Variants in MYH13 observed in about 807,000 individuals in gnomAD.
The protein encoded by MYH13 is myosin-13.
A neutral mutation model predicts 232.1 loss-of-function variants in MYH13; 177 were observed. The observed-to-expected ratio is 0.76, with a 90% confidence interval of 0.67 to 0.86. The LOEUF (loss-of-function observed/expected upper bound fraction) is 0.86, where lower values mean the gene tolerates loss of function less well. MYH13 is among the 40% of genes least tolerant of loss of function. The pLI is 0.00. For missense variants in MYH13, 2,246 were observed against 2,405.9 expected (o/e 0.93, Z 1.39); for synonymous variants, 884 against 923.5 (o/e 0.96, Z 0.78).
At chr17:10,351,850 G>A (rs2071713032) in intron 11 of MYH13, among the ~76,000 whole-genome samples, 2 of 152,158 alleles carry the variant, frequency 1.3e-5, no homozygotes, top group Admixed American at 1.3e-4. Context: ...AGTGTCCATT[G>A]GTAGGATTGA....
In MYH13 at chr17:10,355,438, T is replaced by A. The variant is rs1370938773; in HGVS notation, c.739-291A>T. Among the ~76,000 whole-genome samples, 8 of 152,134 alleles carry A rather than the reference T, an allele frequency of 5.3e-5. No individual in the cohort carries two copies. The East Asian group carries it at 1.5e-3, about 29-fold the overall frequency. ...GTTTTCCCATTAGCTCACTAACATG[T>A]CTCTCAGTTCATAAACTCAATAATT... is the stretch of plus-strand genomic sequence containing the variant. On this transcript the variant is annotated intron_variant, in intron 8 of 40. Coordinates refer to ENST00000252172, the MANE Select transcript of MYH13 (RefSeq NM_003802.3).
chr17:10,324,117 G>T lies in MYH13; in HGVS notation c.2839C>A (p.Leu947Met). The stretch of plus-strand genomic sequence containing the variant: ...TTGAGAGAGGAGCATTTATCTTCCA[G>T]ATTCCTCTTCTTGGCAACCAATTCA... Reference protein sequence around the residue: ...NSELVAKKRNLEDKCSSLKRD... With the variant: ...NSELVAKKRNMEDKCSSLKRD... Residue 947 changes from leucine (L) to methionine (M), a missense_variant, in exon 23 of 41, where the codon CTG (leucine) becomes ATG (methionine). Transcript: ENST00000252172. 1 of 1,613,952 alleles carries T rather than the reference G, an allele frequency of 6.2e-7. No individual in the cohort carries two copies. The highest frequency in any genetic ancestry group is 8.5e-7 in the Non-Finnish European group (1 of 1,179,892).
intron 2 of MYH13, among the ~76,000 whole-genome samples, chr17:10,369,295 T>C (rs2071861649): frequency 6.6e-6 from 1 of 152,154 alleles, no homozygotes; most frequent in African/African-American, 2.4e-5. Flanking sequence ...TGTTTAACAC[T>C]TAGGAAGCGT....
chr17:10,313,752 C>G (rs1181963474), intron 29 of MYH13, among the ~76,000 whole-genome samples: 1 of 152,196 alleles, frequency 6.6e-6, no homozygotes. Context: ...GTGGTTCACA[C>G]TGAGGCCTTT....
intron 2 of MYH13, among the ~76,000 whole-genome samples, chr17:10,366,525 C>T (rs1424752086): frequency 6.6e-6 from 1 of 151,600 alleles, no homozygotes; most frequent in African/African-American, 2.4e-5. Flanking sequence ...GGATTACAGG[C>T]GCCCACCACC....
intron 5 of MYH13, among the ~76,000 whole-genome samples, chr17:10,361,146 T>C (rs2071789286): frequency 6.6e-6 from 1 of 152,204 alleles, no homozygotes. Flanking sequence ...TTAAAATTAA[T>C]GTAACATGAA....
At chr17:10,349,255 A>G (rs1438655189) in intron 12 of MYH13, among the ~76,000 whole-genome samples, 1 of 152,070 alleles carries the variant, frequency 6.6e-6, no homozygotes, top group African/African-American at 2.4e-5. Context: ...GGCAGGCACC[A>G]TTATGCCCAG....
At chr17:10,352,859 C>T (rs1319358522) in intron 11 of MYH13, among the ~76,000 whole-genome samples, 1 of 152,174 alleles carries the variant, frequency 6.6e-6, no homozygotes, top group Admixed American at 6.5e-5. Flanking sequence ...CCATACATAG[C>T]AAACTATAAC....
chr17:10,325,266 CTA>C (rs1375841521), intron 22 of MYH13, among the ~76,000 whole-genome samples: 1 of 152,232 alleles, frequency 6.6e-6, no homozygotes, highest in Admixed American at 6.5e-5. Context: ...CTCATCTACT[CTA>C]TGTTATCTCA....
At chr17:10,346,846 A>C in intron 12 of MYH13, 48 bp from the exon 13 acceptor site, 1 of 1,398,970 alleles carries the variant, frequency 7.1e-7, no homozygotes, top group Non-Finnish European at 1.0e-6. Flanking sequence ...GTAGCTGCTA[A>C]AGTGTCCAGT....
At chr17:10,328,243 AAGCTTGGCAGATCCT>A in intron 21 of MYH13, 122 bp from the exon 22 acceptor site, 1 of 1,132,880 alleles carries the variant, frequency 8.8e-7, no homozygotes, top group Non-Finnish European at 1.3e-6. Flanking sequence ...AGGTGCAGCC[AAGCTTGGCAGATCCT>A]CTGGATCCAG....
At position 10,330,455 on chromosome 17, in the gene MYH13, C is replaced by T; in HGVS notation, c.2367G>A (p.Met789Ile). 1 of 1,613,216 alleles carries T rather than the reference C, an allele frequency of 6.2e-7. No homozygotes were observed. The highest frequency in any genetic ancestry group is 8.5e-7 in the Non-Finnish European group (1 of 1,179,736). Residue 789 changes from methionine to isoleucine, a missense_variant, in exon 21 of 41, where the codon ATG becomes ATA. By Grantham distance (10) the Met-to-Ile change is conservative. Coordinates refer to ENST00000252172, the MANE Select transcript of MYH13 (RefSeq NM_003802.3). ...EMRDEKLVTL[M>I]TSTQAVCRGY... is the part of the protein sequence containing the mutation. Reference sequence around the variant, plus strand: ...CCCTGCACACCGCCTGCGTGCTTGTCATCAGCGTCACCAGCTTCTCATCTC... The same window carrying T: ...CCCTGCACACCGCCTGCGTGCTTGTTATCAGCGTCACCAGCTTCTCATCTC...
In MYH13 at chr17:10,313,170, A is replaced by G. The variant is rs765451029; in HGVS notation, c.4169T>C (p.Leu1390Pro). Residue 1390 changes from leucine to proline, a missense_variant, in exon 30 of 41, where the codon CTG (leucine) becomes CCG (proline). By Grantham distance (98) the Leu-to-Pro change is moderately conservative. Coordinates refer to ENST00000252172, the MANE Select transcript of MYH13 (RefSeq NM_003802.3). The part of the protein sequence containing the change: ...ETDAIQRTEE[L>P]EEAKKKLAQR... ...CTGGAGCCCCTACTTGGCCTCCTCCAGCTCCTCTGTGCGCTGAATGGCGTC... is the reference window on the plus strand; with the variant it reads ...CTGGAGCCCCTACTTGGCCTCCTCCGGCTCCTCTGTGCGCTGAATGGCGTC... 6.2e-7 allele frequency: 1 copy of G among 1,614,068 alleles called. No homozygotes were observed. Among genetic ancestry groups the G allele is most frequent in the Admixed American group, 1.7e-5 (1 of 60,010 alleles).
chr17:10,325,176 A>T (rs1907159527), intron 22 of MYH13, among the ~76,000 whole-genome samples: 2 of 152,246 alleles, frequency 1.3e-5, no homozygotes, highest in African/African-American at 4.8e-5. Context: ...GTTCATTTTA[A>T]AGAATGAAGC....
intron 11 of MYH13, among the ~76,000 whole-genome samples, chr17:10,351,928 T>A (rs2071713707): frequency 6.6e-6 from 1 of 152,016 alleles, no homozygotes; most frequent in Non-Finnish European, 1.5e-5. Context: ...CAGGATGATA[T>A]TGGAGAGTCA....
intron 8 of MYH13, among the ~76,000 whole-genome samples, chr17:10,356,267 G>C (rs1433386747): frequency 6.6e-6 from 1 of 152,184 alleles, no homozygotes; most frequent in Admixed American, 6.5e-5. Context: ...TGTAAGTGCT[G>C]TGTCTTCAGT....
chr17:10,318,694 A>G (rs1567659076), intron 27 of MYH13, 96 bp downstream of exon 27: 2 of 1,480,714 alleles, frequency 1.4e-6, no homozygotes, highest in Admixed American at 1.8e-5. Flanking sequence ...AGTGTAGAAC[A>G]TGCAGTGGTT....
chr17:10,350,364 A>T (rs769237899), intron 12 of MYH13, among the ~76,000 whole-genome samples, 192 bp downstream of exon 12: 2 of 152,186 alleles, frequency 1.3e-5, no homozygotes, highest in Non-Finnish European at 2.9e-5. Context: ...TCAAGAATTC[A>T]CTACTCTGGG....
At chr17:10,339,194 G>A (rs1486917084) in intron 18 of MYH13, among the ~76,000 whole-genome samples, 1 of 152,004 alleles carries the variant, frequency 6.6e-6, no homozygotes, top group Non-Finnish European at 1.5e-5. Flanking sequence ...CAGCTCAGCT[G>A]GTGAGTTAGC....
Sources: allele counts gnomAD v4.1 joint callset (sites outside exome capture counted in the v4.1 genomes callset), GRCh38; gene constraint gnomAD v4.1.1; transcripts MANE v1.5; gene names NCBI Gene and HGNC (gene_info 2026-07-23, HGNC 2026-07-21).